PLCB4: variants seen among roughly 807,000 people sequenced by gnomAD.
The protein encoded by PLCB4 is phospholipase C beta 4, also known as 1-phosphatidylinositol 4,5-bisphosphate phosphodiesterase beta-4.
In PLCB4, 77 loss-of-function variants were observed where a neutral mutation model predicts 178.8. That is an observed-to-expected ratio of 0.43 (90% CI 0.36 to 0.52). PLCB4 has a LOEUF of 0.52. Ranked by LOEUF, PLCB4 falls within the 20% of genes least tolerant of loss-of-function variation. The probability of loss-of-function intolerance (pLI) is 0.00; values close to 1 mark genes in which losing one functional copy is unlikely to be tolerated. For synonymous variants in PLCB4, 496 were observed against 490.8 expected (o/e 1.01, Z -0.14); for missense variants, 1,024 against 1,453.4 (o/e 0.70, Z 4.80).
chr20:9,092,294 G>A (rs868297733), intron 1 of PLCB4, among the ~76,000 whole-genome samples: 1 of 152,096 alleles, frequency 6.6e-6, no homozygotes, highest in South Asian at 2.1e-4. Context: ...CTTTTGCATT[G>A]TTAATATCAG....
At chr20:9,203,053 AAAAAT>A (rs1168395620) in intron 2 of PLCB4, among the ~76,000 whole-genome samples, 3 of 132,500 alleles carry the variant, frequency 2.3e-5, no homozygotes, top group African/African-American at 6.3e-5. Flanking sequence ...AAAAAAAAAA[AAAAAT>A]ATATATATAT....
At chr20:9,390,104 A>G (rs527867950) in intron 16 of PLCB4, 146 bp downstream of exon 16, 1 of 558,242 alleles carries the variant, frequency 1.8e-6, no homozygotes, top group East Asian at 2.7e-5. Context: ...AAGGGCACCT[A>G]CTCTTATGCA....
At chr20:9,152,207 T>G (rs2092703310) in intron 2 of PLCB4, among the ~76,000 whole-genome samples, 1 of 152,160 alleles carries the variant, frequency 6.6e-6, no homozygotes, top group Non-Finnish European at 1.5e-5. Flanking sequence ...AAACCCATTT[T>G]CTGGGGAGAA....
rs759625352 is a variant in PLCB4, at chr20:9,393,677, A to G, written c.1413A>G (p.Lys471=). ...AGCGGCTGAAACCTGAAGTTGAAAA[A>G]AGTAAGTGAAACACACACATTTATA... ...KNKRLKPEVE[K]KQLEALRSMM... The change falls in exon 18 of 40, where the codon AAA becomes AAG. Residue 471 remains lysine, a splice_region_variant and synonymous_variant. Transcript: ENST00000378473. 2 of 1,582,982 alleles carry G rather than the reference A, an allele frequency of 1.3e-6. No homozygotes were observed. The highest frequency in any genetic ancestry group is 1.7e-5 in the Admixed American group (1 of 59,958).
At chr20:9,265,191 C>T (rs1300516202) in intron 3 of PLCB4, among the ~76,000 whole-genome samples, 3 of 152,114 alleles carry the variant, frequency 2.0e-5, no homozygotes, top group African/African-American at 4.8e-5. Flanking sequence ...GAAAAGATGA[C>T]GAGGCTGGGG....
At chr20:9,446,476 T>C (rs899340681) in intron 32 of PLCB4, among the ~76,000 whole-genome samples, 2 of 152,220 alleles carry the variant, frequency 1.3e-5, no homozygotes, top group African/African-American at 4.8e-5. Flanking sequence ...ACATCAGAGT[T>C]GTCCATTAAC....
chr20:9,475,499 A>G (rs1198742404), intron 38 of PLCB4, among the ~76,000 whole-genome samples: 1 of 152,198 alleles, frequency 6.6e-6, no homozygotes, highest in Non-Finnish European at 1.5e-5. Context: ...TCTACCACCC[A>G]CAACTGACAC....
intron 2 of PLCB4, among the ~76,000 whole-genome samples, chr20:9,163,015 A>T (rs139945837): frequency 3.9e-5 from 6 of 152,288 alleles, no homozygotes; most frequent in Admixed American, 1.3e-4. Context: ...GCAGTTCAGC[A>T]TCACTGAACC....
At chr20:9,325,717 G>A (rs1384559361) in intron 4 of PLCB4, among the ~76,000 whole-genome samples, 3 of 152,136 alleles carry the variant, frequency 2.0e-5, no homozygotes, top group Non-Finnish European at 2.9e-5. Flanking sequence ...AAAGTCAATC[G>A]TTAGAAACAG....
chr20:9,352,134 C>T (rs1034868462), intron 7 of PLCB4, among the ~76,000 whole-genome samples: 5 of 152,164 alleles, frequency 3.3e-5, no homozygotes, highest in African/African-American at 1.2e-4. Flanking sequence ...AATAATGTTA[C>T]ATAAAATAAA....
chr20:9,082,015 T>C (rs913255819), intron 1 of PLCB4, among the ~76,000 whole-genome samples: 1 of 151,878 alleles, frequency 6.6e-6, no homozygotes, highest in African/African-American at 2.4e-5. Flanking sequence ...TTTTTCCTGA[T>C]AGGCACATAC....
chr20:9,358,659 C>A (rs2148209168), intron 7 of PLCB4, among the ~76,000 whole-genome samples: 1 of 152,198 alleles, frequency 6.6e-6, no homozygotes, highest in African/African-American at 2.4e-5. Flanking sequence ...CTTTGGGAGG[C>A]CAAGGCGGAC....
At chr20:9,281,535 A>G (rs1266725224) in intron 3 of PLCB4, among the ~76,000 whole-genome samples, 2 of 152,000 alleles carry the variant, frequency 1.3e-5, no homozygotes, top group Non-Finnish European at 2.9e-5. Context: ...ATTCAACTGA[A>G]CTGTAAAGCA....
intron 13 of PLCB4, among the ~76,000 whole-genome samples, chr20:9,383,848 A>G (rs1178835171): frequency 1.3e-5 from 2 of 152,240 alleles, no homozygotes; most frequent in Non-Finnish European, 2.9e-5. Context: ...CAGAAGAAGA[A>G]GCTGAGATCT....
intron 3 of PLCB4, among the ~76,000 whole-genome samples, chr20:9,257,008 T>C (rs1381406694): frequency 6.6e-6 from 1 of 152,154 alleles, no homozygotes; most frequent in Non-Finnish European, 1.5e-5. Context: ...AAGAGCAAGA[T>C]TTTATGAACT....
chr20:9,267,061 G>A (rs2094356653), intron 3 of PLCB4, among the ~76,000 whole-genome samples: 1 of 152,108 alleles, frequency 6.6e-6, no homozygotes, highest in African/African-American at 2.4e-5. Context: ...CATACTACGT[G>A]TATATTCTTA....
chr20:9,239,603 A>G (rs1330583080), intron 3 of PLCB4, among the ~76,000 whole-genome samples: 2 of 152,178 alleles, frequency 1.3e-5, no homozygotes. Context: ...GTACGCTATC[A>G]TCGTATGTAT....
chr20:9,276,929 C>A (rs1169133584), intron 3 of PLCB4, among the ~76,000 whole-genome samples: 5 of 152,000 alleles, frequency 3.3e-5, no homozygotes, highest in African/African-American at 1.2e-4. Flanking sequence ...AGAGCAAGAT[C>A]TTGTCTCTAA....
intron 1 of PLCB4, among the ~76,000 whole-genome samples, chr20:9,080,699 C>T (rs758370364): frequency 3.9e-5 from 6 of 152,158 alleles, no homozygotes; most frequent in Non-Finnish European, 7.3e-5. Context: ...TATAAGATAA[C>T]TCATTCACTT....
Sources: allele counts gnomAD v4.1 joint callset (sites outside exome capture counted in the v4.1 genomes callset), GRCh38; gene constraint gnomAD v4.1.1; transcripts MANE v1.5; gene names NCBI Gene and HGNC (gene_info 2026-07-23, HGNC 2026-07-21).